Variants in CRY1 observed in about 807,000 individuals in gnomAD.
The protein encoded by CRY1 is cryptochrome-1.
CRY1 carries 45 observed loss-of-function variants against 76.0 expected under a neutral mutation model. The ratio of observed to expected loss-of-function variants is 0.59; its 90% CI spans 0.47 to 0.76. The LOEUF (loss-of-function observed/expected upper bound fraction) is 0.76, where lower values mean the gene tolerates loss of function less well. Among genes scored for constraint, CRY1 ranks in the 30% least tolerant of loss-of-function variants. The pLI, the probability that CRY1 is intolerant of heterozygous loss-of-function variation, is 0.00. For missense variants in CRY1, 587 were observed against 716.4 expected, an observed-to-expected ratio of 0.82 and a Z score of 2.06; for synonymous variants, 248 against 244.0, an observed-to-expected ratio of 1.02 and a Z score of -0.15.
At chr12:107,059,413 A>G (rs1953023643) in intron 1 of CRY1, among the ~76,000 whole-genome samples, 1 of 151,852 alleles carries the variant, frequency 6.6e-6, no homozygotes, top group Non-Finnish European at 1.5e-5. Flanking sequence ...ATACTTGTCT[A>G]ATTTTTTTTC....
intron 7 of CRY1, among the ~76,000 whole-genome samples, chr12:106,998,894 T>C (rs1952265877): frequency 6.6e-6 from 1 of 151,872 alleles, no homozygotes; most frequent in African/African-American, 2.4e-5. Flanking sequence ...AATGCAAAAT[T>C]AGCTGGGCAC....
chr12:107,008,358 T>C (rs1952398625), intron 2 of CRY1, among the ~76,000 whole-genome samples: 1 of 152,230 alleles, frequency 6.6e-6, no homozygotes, highest in East Asian at 1.9e-4. Flanking sequence ...ATTCTAATTA[T>C]ATGACAGATA....
intron 1 of CRY1, among the ~76,000 whole-genome samples, chr12:107,044,799 G>C (rs1952832482): frequency 6.6e-6 from 1 of 152,220 alleles, no homozygotes; most frequent in South Asian, 2.1e-4. Context: ...GAATATGAAG[G>C]TAAGTTATTT....
intron 1 of CRY1, among the ~76,000 whole-genome samples, chr12:107,041,830 C>T (rs1952803288): frequency 6.6e-6 from 1 of 152,038 alleles, no homozygotes; most frequent in Non-Finnish European, 1.5e-5. Context: ...AAAAATAAAG[C>T]TGTAAAAGTT....
intron 1 of CRY1, among the ~76,000 whole-genome samples, chr12:107,038,980 T>C (rs1360857749): frequency 6.6e-6 from 1 of 152,030 alleles, no homozygotes; most frequent in African/African-American, 2.4e-5. Context: ...CACAGAGTGC[T>C]GGGCGTGGTG....
chr12:107,074,671 T>C (rs1001001400), intron 1 of CRY1, among the ~76,000 whole-genome samples: 7 of 152,200 alleles, frequency 4.6e-5, no homozygotes, highest in African/African-American at 1.7e-4. Context: ...ACAGAAATCA[T>C]ACAATTCTAG....
chr12:107,082,466 G>C (rs1953338906), intron 1 of CRY1, among the ~76,000 whole-genome samples: 1 of 152,048 alleles, frequency 6.6e-6, no homozygotes, highest in African/African-American at 2.4e-5. Context: ...CTCAGCAAAT[G>C]CAAATAACGG....
At chr12:107,001,688 AT>A (rs1203479945) in intron 4 of CRY1, 75 bp downstream of exon 4, 23 of 1,341,510 alleles carry the variant, frequency 1.7e-5, no homozygotes, top group Non-Finnish European at 2.3e-5. Flanking sequence ...ACATGGCAAA[AT>A]TAAAAGGGGA....
rs187252986 is a variant in CRY1 at position 106,995,993 on chromosome 12, G to A, written c.1585+1301C>T. Among the ~76,000 whole-genome samples the A allele has an allele frequency of 3.9e-3, 592 of 152,208 alleles. 6 individuals are homozygous for A. The highest frequency in any genetic ancestry group is 4.2e-3 in the Non-Finnish European group (283 of 68,012). On this transcript the variant is annotated intron_variant, in intron 10 of 12. Coordinates refer to ENST00000008527, the MANE Select transcript of CRY1 (RefSeq NM_004075.5). ...CAAGTAGCTGGGATTACAGGCATGC[G>A]CTACCACGCCCGGCCAATTTTGTCT...
chr12:107,070,201 G>A (rs1328407347), intron 1 of CRY1, among the ~76,000 whole-genome samples: 3 of 152,172 alleles, frequency 2.0e-5, no homozygotes, highest in Admixed American at 6.5e-5. Flanking sequence ...ACAATTTGTG[G>A]TGTCAGGAAA....
At chr12:107,057,085 G>T (rs1952992928) in intron 1 of CRY1, among the ~76,000 whole-genome samples, 1 of 151,956 alleles carries the variant, frequency 6.6e-6, no homozygotes, top group Non-Finnish European at 1.5e-5. Flanking sequence ...ATAAAAAAAA[G>T]AAAAAATTAA....
chr12:107,014,006 C>T (rs1219252970), intron 2 of CRY1, among the ~76,000 whole-genome samples: 1 of 152,140 alleles, frequency 6.6e-6, no homozygotes, highest in African/African-American at 2.4e-5. Flanking sequence ...TTGCAGAAAG[C>T]AGCTGCCACC....
chr12:107,065,922 G>A (rs1953104828), intron 1 of CRY1, among the ~76,000 whole-genome samples: 1 of 152,196 alleles, frequency 6.6e-6, no homozygotes, highest in South Asian at 2.1e-4. Flanking sequence ...CCTATAGGAT[G>A]TAGTTTCTAT....
At chr12:107,016,823 G>T (rs1952502099) in intron 2 of CRY1, among the ~76,000 whole-genome samples, 1 of 152,012 alleles carries the variant, frequency 6.6e-6, no homozygotes. Context: ...CCATTAAATG[G>T]GAATCCATTC....
intron 1 of CRY1, among the ~76,000 whole-genome samples, chr12:107,078,734 C>T (rs921325635): frequency 5.9e-5 from 9 of 152,128 alleles, no homozygotes; most frequent in African/African-American, 1.9e-4. Context: ...TCACTCTTTT[C>T]CTCACCTACC....
intron 2 of CRY1, among the ~76,000 whole-genome samples, chr12:107,005,808 C>T (rs1170504165): frequency 1.3e-5 from 2 of 151,892 alleles, no homozygotes; most frequent in South Asian, 4.2e-4. Context: ...AAAACGTTAA[C>T]TGAAAAATTT....
At chr12:107,087,369 A>G (rs928129437) in intron 1 of CRY1, among the ~76,000 whole-genome samples, 3 of 152,224 alleles carry the variant, frequency 2.0e-5, no homozygotes, top group African/African-American at 7.2e-5. Flanking sequence ...CCATGAAAGA[A>G]GCCATGTGGT....
At chr12:107,085,841 A>C (rs2136902658) in intron 1 of CRY1, among the ~76,000 whole-genome samples, 1 of 152,244 alleles carries the variant, frequency 6.6e-6, no homozygotes, top group Middle Eastern at 3.4e-3. Context: ...AAAAAGCAAA[A>C]ACTAAAGCTG....
intron 2 of CRY1, among the ~76,000 whole-genome samples, chr12:107,021,379 C>A (rs10735420): frequency 0.55 from 83,275 of 151,846 alleles, 23,158 homozygotes; most frequent in East Asian, 0.73. Flanking sequence ...AAGAATTATC[C>A]CACAAATGTA....
Sources: allele counts gnomAD v4.1 joint callset (sites outside exome capture counted in the v4.1 genomes callset), GRCh38; gene constraint gnomAD v4.1.1; transcripts MANE v1.5; gene names NCBI Gene and HGNC (gene_info 2026-07-23, HGNC 2026-07-21).